CAPN9: variants seen among roughly 807,000 people sequenced by gnomAD.
CAPN9 encodes calpain-9.
A neutral mutation model predicts 92.8 loss-of-function variants in CAPN9; 81 were observed. That is an observed-to-expected ratio of 0.87 (90% CI 0.73 to 1.05). The LOEUF (loss-of-function observed/expected upper bound fraction) is 1.05. Among genes scored for constraint, CAPN9 ranks in the 50% least tolerant of loss-of-function variants. The pLI is 0.00. For synonymous variants in CAPN9, 304 were observed against 328.0 expected, an observed-to-expected ratio of 0.93 and a Z score of 0.79; for missense variants, 848 against 866.2, an observed-to-expected ratio of 0.98 and a Z score of 0.26.
chr1:230,765,212 G>GACAC (rs56286310), intron 4 of CAPN9, among the ~76,000 whole-genome samples: 8,873 of 132,000 alleles, frequency 0.067, 345 homozygotes, highest in South Asian at 0.15. Context: ...ACACATGCAA[G>GACAC]ACACACACAC....
At chr1:230,781,664 G>T (rs115564863) in intron 11 of CAPN9, among the ~76,000 whole-genome samples, 68 of 152,302 alleles carry the variant, frequency 4.5e-4, no homozygotes, top group African/African-American at 1.6e-3. Flanking sequence ...ATATTCTAAA[G>T]ATTAAGGAGA....
chr1:230,780,059 T>A, intron 9 of CAPN9, 120 bp from the exon 10 acceptor site: 1 of 720,732 alleles, frequency 1.4e-6, no homozygotes, highest in South Asian at 2.0e-5. Context: ...GGACATATAA[T>A]GAGGGCAGAT....
chr1:230,758,890 CAGCACAGAT>C (rs1665430500), intron 2 of CAPN9, among the ~76,000 whole-genome samples: 2 of 152,206 alleles, frequency 1.3e-5, no homozygotes, highest in South Asian at 2.1e-4. Flanking sequence ...GAGTCTGGAA[CAGCACAGAT>C]AGCACAGATA....
At chr1:230,788,257 G>A (rs760607873) in intron 13 of CAPN9, among the ~76,000 whole-genome samples, 8 of 152,158 alleles carry the variant, frequency 5.3e-5, no homozygotes, top group Non-Finnish European at 8.8e-5. Context: ...CTGTAGTAAA[G>A]GGGATCATGT....
intron 7 of CAPN9, among the ~76,000 whole-genome samples, chr1:230,773,739 A>T (rs1666544041): frequency 6.6e-6 from 1 of 152,132 alleles, no homozygotes; most frequent in South Asian, 2.1e-4. Context: ...TGGCCCGAGC[A>T]CCTGGAGACA....
At chr1:230,766,809 G>T (rs1295900335) in intron 4 of CAPN9, among the ~76,000 whole-genome samples, 1 of 152,146 alleles carries the variant, frequency 6.6e-6, no homozygotes, top group African/African-American at 2.4e-5. Flanking sequence ...ACAAGGAGGA[G>T]CAAGTCACAT....
At chr1:230,796,010 C>A (rs1038407099) in intron 18 of CAPN9, among the ~76,000 whole-genome samples, 1 of 146,378 alleles carries the variant, frequency 6.8e-6, no homozygotes, top group Non-Finnish European at 1.5e-5. Flanking sequence ...TAGGCCACTT[C>A]GAGGTATGAA....
chr1:230,798,273 T>C, intron 19 of CAPN9, 53 bp downstream of exon 19: 1 of 1,187,848 alleles, frequency 8.4e-7, no homozygotes, highest in Non-Finnish European at 1.3e-6. Flanking sequence ...CCCAGCAGAG[T>C]CCACGCTGCA....
chr1:230,780,542 T>A lies in CAPN9; in HGVS notation c.1315T>A (p.Tyr439Asn). 6.2e-7 allele frequency: 1 copy of A among 1,614,142 alleles called. No individual in the cohort carries two copies. The highest frequency in any genetic ancestry group is 1.3e-5 in the African/African-American group (1 of 75,026). ...ACACCTGAACAAAGACTTCTTCAGA[T>A]ACCACGCTTCTCGGGCCAGAAGCAA... ...DEHLNKDFFR[Y>N]HASRARSKTF... The change falls in exon 11 of 20, where the codon TAC becomes AAC. Residue 439 changes from tyrosine to asparagine, a missense_variant. Tyr to Asn is a moderately radical substitution (Grantham distance 143). Transcript: ENST00000271971.
rs145487810 is a variant in CAPN9 at position 230,796,109 on chromosome 1, G to A, written c.1987+830G>A. On this transcript the variant is annotated intron_variant, in intron 18 of 19. Transcript: ENST00000271971. ...GCACTTTGGGAGGTTGAGGCAGTTG[G>A]ATCGTGAGGTCAGGAGCTCGAGACC... Among the ~76,000 whole-genome samples, 72 of 150,922 alleles carry A rather than the reference G, an allele frequency of 4.8e-4. No individual in the cohort carries two copies. The East Asian group carries it at 0.013, about 27-fold the overall frequency.
intron 9 of CAPN9, among the ~76,000 whole-genome samples, chr1:230,779,648 G>T (rs1475112592): frequency 6.6e-6 from 1 of 152,110 alleles, no homozygotes; most frequent in African/African-American, 2.4e-5. Flanking sequence ...CCTCTAATTG[G>T]AAATTCCTTG....
rs1667162075 is a variant in CAPN9 at position 230,780,711 on chromosome 1, G to A, written c.1481+3G>A. The A allele has an allele frequency of 6.2e-7, 1 of 1,612,804 alleles. No homozygotes were observed. The highest frequency in any genetic ancestry group is 1.3e-5 in the African/African-American group (1 of 74,868). On this transcript the variant is annotated splice_donor_region_variant and intron_variant, in intron 11 of 19. Coordinates refer to ENST00000271971, the MANE Select transcript of CAPN9 (RefSeq NM_006615.3). ...TCAGAGAAAAAAGCCATTACCCGGT[G>A]AGTCAGAGGAACAGCTTCCAGAATC... is the stretch of plus-strand genomic sequence containing the variant.
intron 11 of CAPN9, among the ~76,000 whole-genome samples, chr1:230,782,372 A>C (rs1667281403): frequency 1.3e-5 from 2 of 152,220 alleles, no homozygotes; most frequent in South Asian, 4.1e-4. Flanking sequence ...CCAGGGGATG[A>C]GGAGGAAAGG....
Position 230,767,675 on chromosome 1 carries a change from T to A in CAPN9, c.671T>A (p.Leu224Ter). ...ENFYEILEKA[L>*]KRGSLLGCFI... ...TTCTATGAGATTCTAGAGAAGGCTT[T>A]GAAGAGAGGCTCCCTGCTGGGCTGC... is the stretch of plus-strand genomic sequence containing the variant. Residue 224 changes from leucine to a stop codon, truncating the protein, a stop_gained, in exon 5 of 20, where the codon TTG becomes TAG. Transcript: ENST00000271971. LOFTEE classifies it high-confidence loss of function. 2 of 1,613,166 alleles carry A rather than the reference T, an allele frequency of 1.2e-6. No homozygotes were observed. The highest frequency in any genetic ancestry group is 1.7e-6 in the Non-Finnish European group (2 of 1,179,824).
At chr1:230,747,796 G>A in intron 1 of CAPN9, 87 bp downstream of exon 1, 1 of 1,219,766 alleles carries the variant, frequency 8.2e-7, no homozygotes, top group Non-Finnish European at 1.2e-6. Context: ...TGCTGGGGAG[G>A]GGCCGGCTAC....
At chr1:230,790,390 G>T (rs1272671565) in intron 14 of CAPN9, 1 of 854,506 alleles carries the variant, frequency 1.2e-6, no homozygotes, top group Non-Finnish European at 1.4e-6. Flanking sequence ...TCTTAAAAAT[G>T]CAGAAAAGCC....
At chr1:230,786,852 C>T (rs1336952129) in intron 12 of CAPN9, among the ~76,000 whole-genome samples, 1 of 152,180 alleles carries the variant, frequency 6.6e-6, no homozygotes, top group Non-Finnish European at 1.5e-5. Context: ...CACATTACAT[C>T]TCCCCTATGT....
intron 1 of CAPN9, among the ~76,000 whole-genome samples, chr1:230,751,007 C>T (rs866411167): frequency 2.0e-5 from 3 of 152,168 alleles, no homozygotes; most frequent in Admixed American, 6.5e-5. Flanking sequence ...GGGGAACAGC[C>T]ACCATGCAGT....
intron 17 of CAPN9, among the ~76,000 whole-genome samples, chr1:230,794,320 A>G (rs933274999): frequency 5.9e-5 from 9 of 152,020 alleles, no homozygotes; most frequent in African/African-American, 9.7e-5. Context: ...CGCCTCTACT[A>G]AAAATACAAA....
Sources: allele counts gnomAD v4.1 joint callset (sites outside exome capture counted in the v4.1 genomes callset), GRCh38; gene constraint gnomAD v4.1.1; transcripts MANE v1.5; gene names NCBI Gene and HGNC (gene_info 2026-07-23, HGNC 2026-07-21).